CENPQ: variants seen among roughly 807,000 people sequenced by gnomAD.
The protein encoded by CENPQ is centromere protein Q.
CENPQ carries 27 observed loss-of-function variants against 36.6 expected under a neutral mutation model. That is an observed-to-expected ratio of 0.74 (90% CI 0.54 to 1.02). The LOEUF (loss-of-function observed/expected upper bound fraction) is 1.02, where lower values mean the gene tolerates loss of function less well. CENPQ is among the 50% of genes least tolerant of loss of function. The pLI, the probability that CENPQ is intolerant of heterozygous loss-of-function variation, is 0.00. For synonymous variants in CENPQ, 101 were observed against 101.7 expected (o/e 0.99, Z 0.04); for missense variants, 306 against 301.8 (o/e 1.01, Z -0.10).
At position 49,492,454 on chromosome 6, in the gene CENPQ, CTG is replaced by C. The variant is rs377241945; in HGVS notation, c.*181_*182del. ...TTAGCATCTAATGTAGTTCTGAAGA[CTG>C]TTTTTAGCAGTTGCCAAATCTAGGA... On this transcript the variant is annotated 3_prime_UTR_variant, in exon 9 of 9. Transcript: ENST00000335783. 1.2e-5 allele frequency: 6 copies of C among 510,214 alleles called. No homozygotes were observed. The highest frequency in any genetic ancestry group is 8.0e-5 in the African/African-American group (4 of 49,782). 31.6% of individuals were successfully genotyped at this position (510,214 alleles called of 1,614,324 possible).
At chr6:49,477,134 G>A (rs1029457003) in intron 5 of CENPQ, among the ~76,000 whole-genome samples, 9 of 152,178 alleles carry the variant, frequency 5.9e-5, no homozygotes, top group Admixed American at 3.3e-4. Context: ...TGTTTACTGC[G>A]GCACTATTCA....
intron 5 of CENPQ, among the ~76,000 whole-genome samples, chr6:49,479,673 T>G (rs1308528468): frequency 6.6e-6 from 1 of 152,142 alleles, no homozygotes; most frequent in East Asian, 1.9e-4. Context: ...ACATGCACAC[T>G]TATGTTTACC....
At position 49,464,111 on chromosome 6, in the gene CENPQ, T is replaced by C. The variant is rs546936310; in HGVS notation, c.-19+658T>C. Among the ~76,000 whole-genome samples, 12 of 152,322 alleles carry C rather than the reference T, an allele frequency of 7.9e-5. No homozygotes were observed. In the South Asian group the frequency reaches 2.5e-3, roughly 32 times the overall value. ...TTTCAAAATGTTATTAGAATAATAC[T>C]TTTTCTATGAATAATGTACAAACAT... On this transcript the variant is annotated intron_variant, in intron 1 of 8. Transcript: ENST00000335783.
intron 4 of CENPQ, among the ~76,000 whole-genome samples, 161 bp from the exon 5 acceptor site, chr6:49,472,629 T>A (rs1194805456): frequency 6.6e-6 from 1 of 152,128 alleles, no homozygotes; most frequent in Non-Finnish European, 1.5e-5. Context: ...AATTTTTTCA[T>A]TGTACTTCTG....
chr6:49,488,547 G>A (rs755013031), intron 7 of CENPQ, 60 bp from the exon 8 acceptor site: 105 of 1,594,886 alleles, frequency 6.6e-5, no homozygotes, highest in Non-Finnish European at 8.7e-5. Context: ...TAACTTTCGA[G>A]TATAATATGA....
chr6:49,485,936 A>G (rs763827167), intron 6 of CENPQ, among the ~76,000 whole-genome samples: 1 of 152,214 alleles, frequency 6.6e-6, no homozygotes, highest in Non-Finnish European at 1.5e-5. Flanking sequence ...TGTTCATTCA[A>G]TGCTGTTATA....
rs1053696956 is a variant in CENPQ at position 49,492,507 on chromosome 6, A to G, written c.*232A>G. The G allele has an allele frequency of 2.6e-5, 10 of 378,772 alleles. No homozygotes were observed. The highest frequency in any genetic ancestry group is 1.9e-4 in the African/African-American group (9 of 47,236). 23.5% of individuals were successfully genotyped at this position (378,772 alleles called of 1,614,324 possible). A position where few individuals can be genotyped will look rare whatever the true frequency, so the allele number is the denominator to read the frequency against. ...AACTAACATTTATATTGCTGTATCTATAAGTATTTGCCTAAAACCATAAAA... is the reference window on the plus strand; with the variant it reads ...AACTAACATTTATATTGCTGTATCTGTAAGTATTTGCCTAAAACCATAAAA... On this transcript the variant is annotated 3_prime_UTR_variant, in exon 9 of 9. Transcript: ENST00000335783.
intron 6 of CENPQ, 99 bp from the exon 7 acceptor site, chr6:49,488,253 A>G (rs993202707): frequency 1.2e-6 from 1 of 860,892 alleles, no homozygotes; most frequent in Non-Finnish European, 1.7e-6. Context: ...TTAAATATAT[A>G]TGGTGTTTTT....
chr6:49,472,831 A>C lies in CENPQ; in HGVS notation c.320A>C (p.Gln107Pro). Residue 107 changes from glutamine to proline, a missense_variant, in exon 5 of 9, where the codon CAA (glutamine) becomes CCA (proline). Coordinates refer to ENST00000335783, the MANE Select transcript of CENPQ (RefSeq NM_018132.4). ...AGTATTAAAGAAAAAGAAGAAATACAATACCATCTCAACTTCCTGAAGAAA... is the reference window on the plus strand; with the variant it reads ...AGTATTAAAGAAAAAGAAGAAATACCATACCATCTCAACTTCCTGAAGAAA... ...SNSIKEKEEIQYHLNFLKKRL... is the reference protein window; with the variant it reads ...SNSIKEKEEIPYHLNFLKKRL... 1 of 1,454,802 alleles carries C rather than the reference A, an allele frequency of 6.9e-7. No homozygotes were observed. The highest frequency in any genetic ancestry group is 9.3e-7 in the Non-Finnish European group (1 of 1,071,444). The allele number at this position is 1,454,802 out of a possible 1,614,324, so 90.1% of individuals were successfully genotyped here.
At chr6:49,491,145 A>G (rs1434902830) in intron 8 of CENPQ, among the ~76,000 whole-genome samples, 1 of 152,200 alleles carries the variant, frequency 6.6e-6, no homozygotes, top group Non-Finnish European at 1.5e-5. Context: ...TCATAGACCA[A>G]TTATACATTA....
chr6:49,472,957 C>T, intron 5 of CENPQ, 99 bp downstream of exon 5: 2 of 886,824 alleles, frequency 2.3e-6, no homozygotes, highest in Non-Finnish European at 3.0e-6. Context: ...GTAAGTTTTT[C>T]TTTTTTTTTA....
chr6:49,470,037 TA>T (rs368380826), intron 1 of CENPQ, 121 bp from the exon 2 acceptor site: 62,573 of 392,794 alleles, frequency 0.16, 42 homozygotes, highest in Middle Eastern at 0.2. Context: ...GATTTTTCTT[TA>T]AAAAAAAAAA....
chr6:49,472,118 A>C lies in CENPQ; in HGVS notation c.213A>C (p.Lys71Asn). ...GAAAGACAGCAGCCAGCAAGAGAAA[A>C]ACCTGGCAACCTCTGTCAAAGAGTA... ...KHGKTAASKR[K>N]TWQPLSKSTR... The change falls in exon 4 of 9, where the codon AAA (lysine) becomes AAC (asparagine). Residue 71 changes from lysine (K) to asparagine (N), a missense_variant. Lys to Asn is a moderately conservative substitution (Grantham distance 94, BLOSUM62 0). Transcript: ENST00000335783. 6 of 1,612,938 alleles carry C rather than the reference A, an allele frequency of 3.7e-6. No individual in the cohort carries two copies. The highest frequency in any genetic ancestry group is 5.1e-6 in the Non-Finnish European group (6 of 1,179,402).
chr6:49,471,025 GA>G lies in CENPQ; in HGVS notation c.156del (p.Gly53AspfsTer8). 6.6e-7 allele frequency: 1 copy of G among 1,510,872 alleles called. No individual in the cohort carries two copies. Among genetic ancestry groups the G allele is most frequent in the Non-Finnish European group, 8.9e-7 (1 of 1,120,210 alleles). 93.6% of individuals were successfully genotyped at this position (1,510,872 alleles called of 1,614,324 possible). ...NKNHLKDLSS[E>X]GQTKHTNLKH... ...AAATCATCTGAAAGATCTGTCTTCT[GA>G]AGGTATTTCTTTTCTATTACCTTGT... On this transcript the variant is annotated frameshift_variant and splice_region_variant, in exon 3 of 9. Transcript: ENST00000335783. LOFTEE classifies it high-confidence loss of function.
At chr6:49,472,451 C>A (rs1445497668) in intron 4 of CENPQ, among the ~76,000 whole-genome samples, 2 of 152,000 alleles carry the variant, frequency 1.3e-5, no homozygotes, top group Admixed American at 6.6e-5. Context: ...AATAGAGATT[C>A]TTTAGGAAGA....
chr6:49,474,021 GT>G (rs1768212208), intron 5 of CENPQ, among the ~76,000 whole-genome samples: 1 of 152,138 alleles, frequency 6.6e-6, no homozygotes, highest in Non-Finnish European at 1.5e-5. Context: ...CATAAAGCAA[GT>G]CCTTAGAGAC....
chr6:49,475,666 T>C (rs1768269481), intron 5 of CENPQ, among the ~76,000 whole-genome samples: 1 of 152,196 alleles, frequency 6.6e-6, no homozygotes, highest in Non-Finnish European at 1.5e-5. Flanking sequence ...ATTGTATATC[T>C]AGAAAACCCC....
At chr6:49,474,700 C>CA (rs1391360045) in intron 5 of CENPQ, among the ~76,000 whole-genome samples, 3 of 151,992 alleles carry the variant, frequency 2.0e-5, no homozygotes, top group Non-Finnish European at 2.9e-5. Context: ...AAAAACCCTT[C>CA]AAAAAATCAG....
intron 5 of CENPQ, among the ~76,000 whole-genome samples, chr6:49,475,215 T>C (rs1001664541): frequency 6.6e-6 from 1 of 152,142 alleles, no homozygotes; most frequent in South Asian, 2.1e-4. Flanking sequence ...CAGCAGCACA[T>C]CAAAAAGCTT....
Sources: allele counts gnomAD v4.1 joint callset (sites outside exome capture counted in the v4.1 genomes callset), GRCh38; gene constraint gnomAD v4.1.1; transcripts MANE v1.5; gene names NCBI Gene and HGNC (gene_info 2026-07-23, HGNC 2026-07-21).